The following CHM variants were observed in gnomAD, a reference collection of about 807,000 sequenced individuals.
The protein encoded by CHM is CHM Rab escort protein.
A neutral mutation model predicts 49.0 loss-of-function variants in CHM; 10 were observed. That is an observed-to-expected ratio of 0.20 (90% CI 0.13 to 0.35). The LOEUF is 0.35. CHM is among the 10% of genes least tolerant of loss of function. The probability of loss-of-function intolerance (pLI) is 1.00; values close to 1 mark genes in which losing one functional copy is unlikely to be tolerated. For synonymous variants in CHM, 184 were observed against 167.5 expected (o/e 1.10, Z -0.76); for missense variants, 455 against 478.4 (o/e 0.95, Z 0.46).
chrX:85,923,441 G>C (rs1038698820), intron 8 of CHM, among the ~76,000 whole-genome samples: 1 of 112,258 alleles, frequency 8.9e-6, no homozygotes, highest in African/African-American at 3.2e-5. Context: ...TTCAAGCCCT[G>C]TAGTTTCTAA....
intron 8 of CHM, among the ~76,000 whole-genome samples, chrX:85,936,215 T>G (rs1450561804): frequency 8.9e-6 from 1 of 112,226 alleles, no homozygotes; most frequent in East Asian, 2.8e-4. Flanking sequence ...AATTAAATGT[T>G]AATACCAAAT....
At chrX:86,013,684 G>A (rs2142604) in intron 2 of CHM, among the ~76,000 whole-genome samples, 1,187 of 106,798 alleles carry the variant, frequency 0.011, 7 homozygotes, top group Non-Finnish European at 0.018. Context: ...GCAGTGAGCC[G>A]AGATTGTGCC....
At chrX:85,991,438 T>C (rs1485048736) in intron 2 of CHM, among the ~76,000 whole-genome samples, 1 of 111,528 alleles carries the variant, frequency 9.0e-6, no homozygotes, top group Non-Finnish European at 1.9e-5. Context: ...CCACAAGATA[T>C]ATTGGTAGCT....
At chrX:86,039,774 AGAG>A (rs1384741847) in intron 1 of CHM, among the ~76,000 whole-genome samples, 11 of 111,334 alleles carry the variant, frequency 9.9e-5, no homozygotes, top group Admixed American at 2.9e-4. Flanking sequence ...CAGCCAGCAG[AGAG>A]AAGAGAAGCA....
chrX:85,890,129 C>T (rs775310104), intron 12 of CHM, among the ~76,000 whole-genome samples: 7 of 111,172 alleles, frequency 6.3e-5, no homozygotes, highest in African/African-American at 9.8e-5. Context: ...AAATAGAAGA[C>T]CAAACCTCAG....
At chrX:86,029,004 T>G (rs1933945067) in intron 1 of CHM, among the ~76,000 whole-genome samples, 1 of 112,264 alleles carries the variant, frequency 8.9e-6, no homozygotes, top group African/African-American at 3.2e-5. Flanking sequence ...AAATCCATAT[T>G]AAACACAAGC....
intron 14 of CHM, among the ~76,000 whole-genome samples, chrX:85,868,018 ACTGT>A (rs1452302283): frequency 0.016 from 1,384 of 87,150 alleles, 18 homozygotes; most frequent in African/African-American, 0.051. Flanking sequence ...AATAGTTACC[ACTGT>A]GTGTGTGTGT....
chrX:86,018,017 T>C (rs941489398), intron 2 of CHM, among the ~76,000 whole-genome samples: 50 of 112,292 alleles, frequency 4.5e-4, no homozygotes, highest in Admixed American at 2.6e-3. Flanking sequence ...ACAAGCCACA[T>C]GAAGCCATAT....
At chrX:85,954,386 A>T (rs1167690411) in intron 8 of CHM, among the ~76,000 whole-genome samples, 1 of 111,689 alleles carries the variant, frequency 9.0e-6, no homozygotes, top group Admixed American at 9.5e-5. Context: ...GAAAAGTAAA[A>T]ATAGAGCTAC....
At chrX:85,872,979 C>T in intron 14 of CHM, 73 bp downstream of exon 14, 2 of 1,051,366 alleles carry the variant, frequency 1.9e-6, no homozygotes, top group South Asian at 2.0e-5. Flanking sequence ...GACTTCTCTC[C>T]TCCCAGAGGA....
chrX:85,953,666 T>C (rs918775384), intron 8 of CHM, among the ~76,000 whole-genome samples: 4 of 112,002 alleles, frequency 3.6e-5, no homozygotes, highest in African/African-American at 1.3e-4. Flanking sequence ...GAATATACAC[T>C]GGGTAAAAGA....
At chrX:85,898,225 A>G (rs1438344102) in intron 11 of CHM, among the ~76,000 whole-genome samples, 2 of 110,875 alleles carry the variant, frequency 1.8e-5, no homozygotes, top group Non-Finnish European at 3.8e-5. Context: ...ACATTTGCAC[A>G]CCCCCATTCT....
intron 2 of CHM, among the ~76,000 whole-genome samples, chrX:85,998,631 C>T (rs1489450590): frequency 2.7e-5 from 3 of 111,783 alleles, no homozygotes; most frequent in Non-Finnish European, 5.6e-5. Context: ...TGTAGAGTAT[C>T]AGCTACTTAC....
At chrX:86,012,499 T>C (rs1259957386) in intron 2 of CHM, among the ~76,000 whole-genome samples, 1 of 111,378 alleles carries the variant, frequency 9.0e-6, no homozygotes, top group African/African-American at 3.3e-5. Flanking sequence ...GTAACTAAAA[T>C]TTCTATACAT....
chrX:85,961,479 G>C (rs1484816441), intron 5 of CHM, among the ~76,000 whole-genome samples: 1 of 105,546 alleles, frequency 9.5e-6, no homozygotes, highest in Non-Finnish European at 1.9e-5. Flanking sequence ...TAGATATTTG[G>C]CAATCATCCT....
At chrX:85,922,728 T>A (rs1229373736) in intron 8 of CHM, among the ~76,000 whole-genome samples, 1 of 112,032 alleles carries the variant, frequency 8.9e-6, no homozygotes, top group African/African-American at 3.2e-5. Context: ...TTGGGGATGA[T>A]CTTTCATAGG....
intron 2 of CHM, among the ~76,000 whole-genome samples, chrX:86,021,640 A>G (rs1004448842): frequency 5.4e-5 from 6 of 111,384 alleles, no homozygotes; most frequent in Non-Finnish European, 1.1e-4. Flanking sequence ...TTAAGAGTGG[A>G]ACTACTATAT....
chrX:85,904,701 C>T (rs1169378982), intron 9 of CHM, among the ~76,000 whole-genome samples: 2 of 111,720 alleles, frequency 1.8e-5, no homozygotes, highest in Non-Finnish European at 3.8e-5. Flanking sequence ...AATGCTACCT[C>T]ATCCATAAAA....
At chrX:85,951,841 C>A (rs903294895) in intron 8 of CHM, among the ~76,000 whole-genome samples, 2 of 112,625 alleles carry the variant, frequency 1.8e-5, no homozygotes, top group Non-Finnish European at 3.8e-5. Flanking sequence ...CTTGAATGGT[C>A]AATGCCAACC....
Sources: allele counts gnomAD v4.1 joint callset (sites outside exome capture counted in the v4.1 genomes callset), GRCh38; gene constraint gnomAD v4.1.1; transcripts MANE v1.5; gene names NCBI Gene and HGNC (gene_info 2026-07-23, HGNC 2026-07-21).